PCBD2: variants seen among roughly 807,000 people sequenced by gnomAD.
PCBD2 encodes the protein pterin-4-alpha-carbinolamine dehydratase 2.
In PCBD2, 12 loss-of-function variants were observed where a neutral mutation model predicts 16.4. The observed-to-expected ratio is 0.73, with a 90% CI of 0.47 to 1.19. The LOEUF is 1.19. Among genes scored for constraint, PCBD2 ranks in the 50% most tolerant of loss-of-function variants. The pLI, the probability that PCBD2 is intolerant of heterozygous loss-of-function variation, is 0.00. For missense variants in PCBD2, 138 were observed against 156.8 expected (o/e 0.88, Z 0.64); for synonymous variants, 58 against 61.8 (o/e 0.94, Z 0.29).
At chr5:134,915,606 C>A (rs1189305208) in intron 2 of PCBD2, among the ~76,000 whole-genome samples, 1 of 151,618 alleles carries the variant, frequency 6.6e-6, no homozygotes, top group East Asian at 1.9e-4. Context: ...TGCCACCATG[C>A]CTGGCTAATT....
rs1179341992 is a variant in PCBD2 at position 134,951,856 on chromosome 5, C to CTA, written c.217-7183_217-7182dup. Among the ~76,000 whole-genome samples, 4 of 152,066 alleles carry CTA rather than the reference C, an allele frequency of 2.6e-5. No individual in the cohort carries two copies. In the South Asian group the frequency reaches 8.3e-4, roughly 32 times the overall value. ...TTAATATGTAGGAGCTTTTTATATG[C>CTA]TAAGGAAGTATATACTGCAAATATA... is the stretch of plus-strand genomic sequence containing the variant. On this transcript the variant is annotated intron_variant, in intron 2 of 3. Transcript: ENST00000254908.
At chr5:134,926,461 A>G in intron 2 of PCBD2, 1 of 394,284 alleles carries the variant, frequency 2.5e-6, no homozygotes, top group Non-Finnish European at 4.5e-6. Flanking sequence ...CATGGTTATT[A>G]CTTTTATTTG....
intron 2 of PCBD2, among the ~76,000 whole-genome samples, chr5:134,939,636 C>T (rs758134919): frequency 2.2e-4 from 33 of 152,186 alleles, no homozygotes; most frequent in Non-Finnish European, 3.5e-4. Context: ...CAATGAGCAA[C>T]AGCTTCACAT....
intron 2 of PCBD2, chr5:134,926,370 G>GT (rs915484178): frequency 6.1e-5 from 23 of 379,974 alleles, no homozygotes; most frequent in Admixed American, 2.3e-4. Flanking sequence ...GGGGATATGA[G>GT]TTTTTTTTAT....
At chr5:134,921,422 G>T (rs1214338307) in intron 2 of PCBD2, among the ~76,000 whole-genome samples, 1 of 152,128 alleles carries the variant, frequency 6.6e-6, no homozygotes, top group African/African-American at 2.4e-5. Context: ...GTGGTTGTAA[G>T]GGAAGGCACT....
At chr5:134,959,985 G>A (rs985957821) in intron 3 of PCBD2, among the ~76,000 whole-genome samples, 4 of 150,084 alleles carry the variant, frequency 2.7e-5, no homozygotes, top group Non-Finnish European at 4.4e-5. Context: ...CCACCTCCCG[G>A]GTTCAAGCGA....
intron 2 of PCBD2, among the ~76,000 whole-genome samples, chr5:134,911,925 A>C (rs527503885): frequency 4.1e-4 from 62 of 152,194 alleles, no homozygotes; most frequent in Admixed American, 1.2e-3. Context: ...AGCATTTTCC[A>C]AGCTTATTAA....
At chr5:134,941,857 G>T (rs931506654) in intron 2 of PCBD2, among the ~76,000 whole-genome samples, 2 of 151,830 alleles carry the variant, frequency 1.3e-5, no homozygotes, top group African/African-American at 4.8e-5. Flanking sequence ...GGTGGCTCAC[G>T]CCTGTAATCC....
chr5:134,944,296 A>G (rs934902324), intron 2 of PCBD2, among the ~76,000 whole-genome samples: 8 of 152,198 alleles, frequency 5.3e-5, no homozygotes, highest in East Asian at 3.9e-4. Flanking sequence ...AAATCTGCCT[A>G]TGCAGTTGTA....
At chr5:134,955,371 G>A (rs763890844) in intron 2 of PCBD2, among the ~76,000 whole-genome samples, 1 of 148,492 alleles carries the variant, frequency 6.7e-6, no homozygotes, top group African/African-American at 2.5e-5. Flanking sequence ...GCAGTGGTGC[G>A]ATCTTGGCTC....
intron 2 of PCBD2, chr5:134,927,616 C>A: frequency 2.5e-6 from 1 of 397,908 alleles, no homozygotes; most frequent in South Asian, 1.3e-4. Flanking sequence ...TTCAGGCGTT[C>A]TGGTTGGTTG....
chr5:134,905,332 C>G (rs1750671670), intron 1 of PCBD2, 109 bp downstream of exon 1: 2 of 1,016,908 alleles, frequency 2.0e-6, no homozygotes, highest in Non-Finnish European at 1.3e-6. Context: ...CGGCGTGGGC[C>G]GAGCCTTGGA....
At chr5:134,923,043 A>C (rs552863590) in intron 2 of PCBD2, among the ~76,000 whole-genome samples, 2 of 152,200 alleles carry the variant, frequency 1.3e-5, no homozygotes, top group Non-Finnish European at 2.9e-5. Context: ...CACTATGGGA[A>C]GGACTTTACA....
chr5:134,947,678 C>G (rs897336636), intron 2 of PCBD2, among the ~76,000 whole-genome samples: 1 of 151,954 alleles, frequency 6.6e-6, no homozygotes, highest in African/African-American at 2.4e-5. Flanking sequence ...TGAGCCACCG[C>G]GCTCGGCCCC....
intron 1 of PCBD2, among the ~76,000 whole-genome samples, chr5:134,906,307 C>T (rs1440602421): frequency 6.8e-6 from 1 of 147,482 alleles, no homozygotes; most frequent in Non-Finnish European, 1.5e-5. Context: ...GGGTTCACGC[C>T]ATTTTCCTGC....
chr5:134,934,909 A>T (rs991547974), intron 2 of PCBD2, among the ~76,000 whole-genome samples: 21 of 152,230 alleles, frequency 1.4e-4, no homozygotes, highest in African/African-American at 5.1e-4. Context: ...AAACATCTAG[A>T]TTTAATTTGA....
chr5:134,945,396 T>G (rs1751279989), intron 2 of PCBD2, among the ~76,000 whole-genome samples: 1 of 152,174 alleles, frequency 6.6e-6, no homozygotes, highest in African/African-American at 2.4e-5. Context: ...AAACAAATGA[T>G]CTTGTTTATA....
intron 1 of PCBD2, chr5:134,905,432 C>T: frequency 2.6e-6 from 1 of 386,310 alleles, no homozygotes; most frequent in Non-Finnish European, 4.5e-6. Context: ...CCGCCACTTG[C>T]CCTTGACTTT....
rs572221498 is a variant in PCBD2 at position 134,907,221 on chromosome 5, A to G, written c.84+1998A>G. 2.0e-5 allele frequency among the ~76,000 whole-genome samples: 3 copies of G among 152,362 alleles called. No individual in the cohort carries two copies. The South Asian group carries it at 6.2e-4, about 32-fold the overall frequency. On this transcript the variant is annotated intron_variant, in intron 1 of 3. Transcript: ENST00000254908. ...TTCCAAAATTCTCTGAGTTGACAAA[A>G]TAAGTGTTTAATAAGAATTTCAGAA...
Sources: gnomAD v4.1 joint callset for allele counts (sites outside exome capture counted in the v4.1 genomes callset) on GRCh38, gnomAD v4.1.1 for gene constraint, MANE v1.5 for transcripts, NCBI Gene and HGNC (gene_info 2026-07-23, HGNC 2026-07-21) for gene names.